Variants in LIN7A observed in about 807,000 individuals in gnomAD.
LIN7A encodes the protein protein lin-7 homolog A.
In LIN7A, 25 loss-of-function variants were observed where a neutral mutation model predicts 29.8. The observed-to-expected ratio is 0.84, with a 90% confidence interval of 0.61 to 1.17. The LOEUF is 1.17. Ranked by LOEUF, LIN7A falls within the 50% of genes most tolerant of loss-of-function variation. The pLI is 0.00. For missense variants in LIN7A, 239 were observed against 287.0 expected (o/e 0.83, Z 1.21); for synonymous variants, 118 against 107.5 (o/e 1.10, Z -0.60).
At chr12:80,914,347 A>G (rs1460567355) in intron 1 of LIN7A, among the ~76,000 whole-genome samples, 1 of 152,146 alleles carries the variant, frequency 6.6e-6, no homozygotes, top group Non-Finnish European at 1.5e-5. Context: ...GAAACCCATT[A>G]TTTTCTAATT....
chr12:80,833,057 A>C (rs1872447900), intron 4 of LIN7A, among the ~76,000 whole-genome samples: 1 of 152,148 alleles, frequency 6.6e-6, no homozygotes, highest in East Asian at 1.9e-4. Flanking sequence ...TTGAGTGAAA[A>C]GTTTACATAA....
chr12:80,932,292 T>C (rs1165489450), intron 1 of LIN7A, among the ~76,000 whole-genome samples: 2 of 152,198 alleles, frequency 1.3e-5, no homozygotes, highest in Non-Finnish European at 2.9e-5. Flanking sequence ...AAGGTTGAAA[T>C]CCACAAAATA....
At position 80,843,759 on chromosome 12, in the gene LIN7A, C is replaced by G. The variant is rs145022586; in HGVS notation, c.483+1971G>C. On this transcript the variant is annotated intron_variant, in intron 4 of 5. Transcript: ENST00000552864. ...TAAGGGGATTAAAGTTTAGGGGATA[C>G]TAATCCATAATCATATGAATATTGA... Among the ~76,000 whole-genome samples, 13 of 152,162 alleles carry G rather than the reference C, an allele frequency of 8.5e-5. No homozygotes were observed. The East Asian group carries it at 2.3e-3, about 27-fold the overall frequency.
intron 5 of LIN7A, among the ~76,000 whole-genome samples, chr12:80,801,407 G>A (rs950403318): frequency 6.6e-6 from 1 of 152,108 alleles, no homozygotes; most frequent in Non-Finnish European, 1.5e-5. Context: ...TGGAGGAAGG[G>A]CCCAGGAAGC....
chr12:80,855,459 G>A (rs1399120051), intron 2 of LIN7A, among the ~76,000 whole-genome samples: 6 of 152,060 alleles, frequency 3.9e-5, no homozygotes, highest in Non-Finnish European at 8.8e-5. Context: ...ATTATTTGAT[G>A]TGGTATCTGA....
chr12:80,829,389 C>A (rs1175570157), intron 4 of LIN7A, among the ~76,000 whole-genome samples: 2 of 152,236 alleles, frequency 1.3e-5, no homozygotes, highest in East Asian at 3.9e-4. Flanking sequence ...TTTGCTGAAA[C>A]CCAAGTTTTC....
intron 3 of LIN7A, among the ~76,000 whole-genome samples, chr12:80,846,590 T>A (rs1319764985): frequency 1.3e-5 from 2 of 152,138 alleles, no homozygotes; most frequent in Non-Finnish European, 1.5e-5. Flanking sequence ...TATACCATAT[T>A]ATTATTCCAT....
At chr12:80,881,413 T>G (rs572692257) in intron 2 of LIN7A, among the ~76,000 whole-genome samples, 1 of 152,322 alleles carries the variant, frequency 6.6e-6, no homozygotes, top group East Asian at 1.9e-4. Flanking sequence ...CAGATGCATT[T>G]TCATTAATTC....
chr12:80,879,975 G>T (rs914000423), intron 2 of LIN7A, among the ~76,000 whole-genome samples: 1 of 152,200 alleles, frequency 6.6e-6, no homozygotes, highest in African/African-American at 2.4e-5. Context: ...GCCTTAGTCA[G>T]CAAGGGAAGA....
chr12:80,863,042 G>A (rs2120424263), intron 2 of LIN7A, among the ~76,000 whole-genome samples: 1 of 152,310 alleles, frequency 6.6e-6, no homozygotes, highest in East Asian at 1.9e-4. Context: ...GCTTGGCTCT[G>A]TATAATTAAT....
intron 5 of LIN7A, among the ~76,000 whole-genome samples, chr12:80,807,063 GTTTTTTTTTTTTTTTT>G (rs71094991): frequency 1.9e-5 from 1 of 53,592 alleles, no homozygotes. Flanking sequence ...TGAAGATGGA[GTTTTTTTTTTTTTTTT>G]TTTTTTTTTT....
chr12:80,848,228 T>G (rs760550642), intron 3 of LIN7A, 23 bp downstream of exon 3: 5 of 1,586,536 alleles, frequency 3.2e-6, no homozygotes, highest in East Asian at 2.2e-5. Flanking sequence ...TCAAGTATAT[T>G]TTTAAAGTTA....
chr12:80,839,207 A>G (rs1406875710), intron 4 of LIN7A, among the ~76,000 whole-genome samples: 1 of 152,222 alleles, frequency 6.6e-6, no homozygotes, highest in Non-Finnish European at 1.5e-5. Flanking sequence ...GTACTAATTT[A>G]TTAATGGCTA....
intron 4 of LIN7A, among the ~76,000 whole-genome samples, chr12:80,820,407 G>T (rs537441832): frequency 6.6e-6 from 1 of 152,080 alleles, no homozygotes; most frequent in Non-Finnish European, 1.5e-5. Flanking sequence ...AACTGAAAAC[G>T]AGCAAAAAAG....
intron 4 of LIN7A, among the ~76,000 whole-genome samples, chr12:80,844,542 A>T (rs2121548787): frequency 6.6e-6 from 1 of 152,320 alleles, no homozygotes; most frequent in East Asian, 1.9e-4. Context: ...TCTGGCCACA[A>T]ATAACTGAAA....
intron 4 of LIN7A, chr12:80,841,761 A>T (rs1472143329): frequency 2.7e-6 from 1 of 364,134 alleles, no homozygotes; most frequent in Non-Finnish European, 3.8e-6. Flanking sequence ...CTGGCTCCAC[A>T]TTGGCTGCAA....
chr12:80,845,236 C>CAA (rs68031488), intron 4 of LIN7A, among the ~76,000 whole-genome samples: 1 of 118,572 alleles, frequency 8.4e-6, no homozygotes, highest in Non-Finnish European at 1.7e-5. Context: ...GATTCCATCT[C>CAA]AAAAAAAAAA....
intron 2 of LIN7A, among the ~76,000 whole-genome samples, chr12:80,871,456 C>T: frequency 6.6e-6 from 1 of 151,952 alleles, no homozygotes; most frequent in Non-Finnish European, 1.5e-5. Context: ...CTTTTAAATC[C>T]AATTAAATAG....
rs943746340 is a variant in LIN7A at position 80,838,964 on chromosome 12, C to G, written c.483+6766G>C. ...AGATATGGAACAATTCAAACACATTCAAACCAAACTCTTCACACATCTGCA... is the reference window on the plus strand; with the variant it reads ...AGATATGGAACAATTCAAACACATTGAAACCAAACTCTTCACACATCTGCA... On this transcript the variant is annotated intron_variant, in intron 4 of 5. Transcript: ENST00000552864. 2.6e-5 allele frequency among the ~76,000 whole-genome samples: 4 copies of G among 152,200 alleles called. No individual in the cohort carries two copies. The South Asian group carries it at 6.2e-4, about 24-fold the overall frequency.
Sources: allele counts gnomAD v4.1 joint callset (sites outside exome capture counted in the v4.1 genomes callset), GRCh38; gene constraint gnomAD v4.1.1; transcripts MANE v1.5; gene names NCBI Gene and HGNC (gene_info 2026-07-23, HGNC 2026-07-21).